PLXNB3: variants seen among roughly 807,000 people sequenced by gnomAD.
PLXNB3 encodes the protein plexin-B3.
Under a neutral mutation model 125.7 loss-of-function variants are expected in PLXNB3, and 80 were observed. The ratio of observed to expected loss-of-function variants is 0.64; its 90% CI spans 0.53 to 0.77. The LOEUF is 0.77. Ranked by LOEUF, PLXNB3 falls within the 30% of genes least tolerant of loss-of-function variation. PLXNB3 has a pLI of 0.00. For synonymous variants in PLXNB3, 954 were observed against 783.3 expected (o/e 1.22, Z -3.64); for missense variants, 1,836 against 1,729.3 (o/e 1.06, Z -1.09).
chrX:153,771,715 C>T, intron 14 of PLXNB3, 60 bp downstream of exon 14: 1 of 1,131,485 alleles, frequency 8.8e-7, no homozygotes, highest in Non-Finnish European at 1.2e-6. Flanking sequence ...CCGCACTGTC[C>T]TGTCCTCCGT....
rs1185620017 is a variant in PLXNB3, at chrX:153,770,610, G to A, written c.1978G>A (p.Glu660Lys). ...CTGCGTGTACGGAGAGCACTGCCCA[G>A]AGGGCGAGAGGACCATCTACAGCGC... Reference protein sequence around the residue: ...SHCVYGEHCPEGERTIYSAQE... With the variant: ...SHCVYGEHCPKGERTIYSAQE... The change falls in exon 10 of 36, where the codon GAG becomes AAG. Residue 660 changes from glutamate to lysine, a missense_variant. Coordinates refer to ENST00000361971, the MANE Select transcript of PLXNB3 (RefSeq NM_005393.3). 8.3e-7 allele frequency: 1 copy of A among 1,211,048 alleles called. No homozygotes were observed. The highest frequency in any genetic ancestry group is 1.1e-6 in the Non-Finnish European group (1 of 895,218).
At position 153,779,075 on chromosome X, in the gene PLXNB3, A is replaced by C. The variant is rs1557065628; in HGVS notation, c.*36A>C. 9.9e-7 allele frequency: 1 copy of C among 1,007,029 alleles called. No individual in the cohort carries two copies. The highest frequency in any genetic ancestry group is 1.9e-5 in the African/African-American group (1 of 53,565). The allele number at this position is 1,007,029 out of a possible 1,213,427, so 83.0% of individuals were successfully genotyped here. Reference sequence around the variant, plus strand: ...AGACAGCAGCAAGCCGGATCCACCAACACCGCAGCGCCTTATGACCCCGGA... The same window carrying C: ...AGACAGCAGCAAGCCGGATCCACCACCACCGCAGCGCCTTATGACCCCGGA... On this transcript the variant is annotated 3_prime_UTR_variant, in exon 36 of 36. Transcript: ENST00000361971.
At chrX:153,767,952 G>A (rs1237014680) in intron 3 of PLXNB3, 39 bp downstream of exon 3, 2 of 1,073,672 alleles carry the variant, frequency 1.9e-6, no homozygotes, top group Admixed American at 7.6e-5. Context: ...CTCTGTGGAT[G>A]GCTGGCATCT....
chrX:153,765,504 C>G lies in PLXNB3; in HGVS notation c.-32C>G. The stretch of plus-strand genomic sequence containing the variant: ...CCCCCCGCAGCCATCTCATGCCCAT[C>G]GCCACTGCCCTGGGGCAGCTGAACT... On this transcript the variant is annotated 5_prime_UTR_variant, in exon 2 of 36. It adds an upstream start codon to the 5' untranslated region. Coordinates refer to ENST00000361971, the MANE Select transcript of PLXNB3 (RefSeq NM_005393.3). 1 of 1,179,583 alleles carries G rather than the reference C, an allele frequency of 8.5e-7. No homozygotes were observed. The highest frequency in any genetic ancestry group is 1.1e-6 in the Non-Finnish European group (1 of 878,454).
Position 153,776,991 on chromosome X carries a change from C to A in PLXNB3, c.4927+11C>A. On this transcript the variant is annotated intron_variant, in intron 29 of 35. Transcript: ENST00000361971. ...GCCCCTTGGGAGAGAGTGAGTCCCT[C>A]GGCCCTGACCTGGGGCCACTGGAGT... 1 of 1,126,496 alleles carries A rather than the reference C, an allele frequency of 8.9e-7. No homozygotes were observed. The highest frequency in any genetic ancestry group is 1.2e-6 in the Non-Finnish European group (1 of 829,468). 92.8% of individuals were successfully genotyped at this position (1,126,496 alleles called of 1,213,427 possible).
At position 153,774,776 on chromosome X, in the gene PLXNB3, G is replaced by A. The variant is rs1319715193; in HGVS notation, c.3901G>A (p.Val1301Met). ...LVQLESLETG[V>M]GDQCRKEFTD... ...GCAGCTGGAGAGCCTGGAGACCGGCGTGGGAGACCAGTGCCGCAAGGAGTT... is the reference window on the plus strand; with the variant it reads ...GCAGCTGGAGAGCCTGGAGACCGGCATGGGAGACCAGTGCCGCAAGGAGTT... Residue 1301 changes from valine to methionine, a missense_variant, in exon 23 of 36, where the codon GTG becomes ATG. Coordinates refer to ENST00000361971, the MANE Select transcript of PLXNB3 (RefSeq NM_005393.3). 3 of 1,205,045 alleles carry A rather than the reference G, an allele frequency of 2.5e-6. No individual in the cohort carries two copies. The highest frequency in any genetic ancestry group is 3.0e-5 in the East Asian group (1 of 33,742).
chrX:153,769,363 C>G (rs1203652597), intron 6 of PLXNB3, 101 bp downstream of exon 6: 13 of 646,180 alleles, frequency 2.0e-5, no homozygotes, highest in Non-Finnish European at 3.1e-5. Context: ...CCAACCCTGC[C>G]TGTTGGAGAG....
intron 7 of PLXNB3, 76 bp from the exon 8 acceptor site, chrX:153,770,016 C>T (rs2091908809): frequency 5.1e-6 from 6 of 1,186,865 alleles, no homozygotes; most frequent in Non-Finnish European, 6.8e-6. Context: ...TGCCTCCCGT[C>T]CTCCTTCCTC....
At chrX:153,776,267 G>A (rs1282746183) in intron 27 of PLXNB3, 53 bp downstream of exon 27, 7 of 741,204 alleles carry the variant, frequency 9.4e-6, no homozygotes, top group East Asian at 6.3e-5. Context: ...CTACCCCTCC[G>A]GCACCTGGAG....
At position 153,774,301 on chromosome X, in the gene PLXNB3, A is replaced by G. The variant is rs2091963375; in HGVS notation, c.3635A>G (p.His1212Arg). Residue 1212 changes from histidine (H) to arginine (R), a missense_variant, in exon 21 of 36, where the codon CAC (histidine) becomes CGC (arginine). Transcript: ENST00000361971. ...CACCTGTACTGCGAGCCGCCTGCGC[A>G]CGCCCCGCAGCCTGCCAATGGCTCC... ...RTHLYCEPPA[H>R]APQPANGSGL... is the part of the protein sequence containing the mutation. 1.7e-6 allele frequency: 2 copies of G among 1,162,102 alleles called. No individual in the cohort carries two copies. Among genetic ancestry groups the G allele is most frequent in the Non-Finnish European group, 2.3e-6 (2 of 873,929 alleles).
chrX:153,771,436 G>A (rs2091928666), intron 13 of PLXNB3, 33 bp downstream of exon 13: 2 of 1,208,471 alleles, frequency 1.7e-6, no homozygotes, highest in Non-Finnish European at 2.2e-6. Flanking sequence ...AGGCGGGGCA[G>A]GGTGGGTGGC....
Position 153,771,973 on chromosome X carries a change from G to A in PLXNB3, c.2627G>A (p.Arg876Gln), listed in dbSNP as rs141796383. ...CAGTACGCCGTGAGCGTGGCCAGCC[G>A]GCCCTGCAACCCTGAGCCCTCTCTC... ...DVQYAVSVAS[R>Q]PCNPEPSLYR... is the part of the protein sequence containing the mutation. The change falls in exon 15 of 36, where the codon CGG (arginine) becomes CAG (glutamine). Residue 876 changes from arginine to glutamine, a missense_variant. Coordinates refer to ENST00000361971, the MANE Select transcript of PLXNB3 (RefSeq NM_005393.3). The A allele has an allele frequency of 2.3e-5, 28 of 1,206,347 alleles. No homozygotes were observed. The highest frequency in any genetic ancestry group is 2.3e-4 in the Middle Eastern group (1 of 4,357).
Position 153,771,645 on chromosome X carries a change from G to A in PLXNB3, c.2507G>A (p.Ser836Asn), listed in dbSNP as rs782525744. 5.5e-5 allele frequency: 65 copies of A among 1,186,206 alleles called. No homozygotes were observed. Among genetic ancestry groups the A allele is most frequent in the Non-Finnish European group, 4.2e-5 (37 of 884,551 alleles). The part of the protein sequence containing the change: ...GAVELLCPAP[S>N]IDAVEPLTGP... ...GTGGAGCTGCTGTGTCCTGCGCCCA[G>A]CATTGATGCAGTGAGTCTCCTGCCG... is the stretch of plus-strand genomic sequence containing the variant. The change falls in exon 14 of 36, where the codon AGC (serine) becomes AAC (asparagine). Residue 836 changes from serine to asparagine, a missense_variant. Physicochemically the swap from Ser to Asn is conservative, Grantham distance 46. Transcript: ENST00000361971.
At position 153,777,228 on chromosome X, in the gene PLXNB3, G is replaced by A. The variant is rs1284313486; in HGVS notation, c.4948G>A (p.Gly1650Ser). The change falls in exon 30 of 36, where the codon GGC (glycine) becomes AGC (serine). Residue 1650 changes from glycine (G) to serine (S), a missense_variant. Transcript: ENST00000361971. ...LGENIPTLED[G>S]EEGGVCLWHL... ...CTCAGACATACCCACGCTGGAGGAT[G>A]GCGAGGAGGGGGGGGTGTGCCTCTG... The A allele has an allele frequency of 4.3e-6, 5 of 1,161,168 alleles. No individual in the cohort carries two copies. The African/African-American group carries it at 8.9e-5, about 21-fold the overall frequency.
Position 153,768,303 on chromosome X carries a change from G to A in PLXNB3, c.1141G>A (p.Gly381Ser), listed in dbSNP as rs782316937. ...CGAGCACACCCCCAGCCCCATTGCT[G>A]GCCGCCAGCCCCTGGAGGTCCAGCC... ...GDEHTPSPIAGRQPLEVQPLL... is the reference protein window; with the variant it reads ...GDEHTPSPIASRQPLEVQPLL... Residue 381 changes from glycine to serine, a missense_variant, in exon 4 of 36, where the codon GGC becomes AGC. Transcript: ENST00000361971. The A allele has an allele frequency of 4.1e-6, 5 of 1,208,064 alleles. No individual in the cohort carries two copies. The highest frequency in any genetic ancestry group is 3.5e-5 in the African/African-American group (2 of 57,940).
chrX:153,774,736 C>G lies in PLXNB3; in HGVS notation c.3861C>G (p.Tyr1287Ter). The change falls in exon 23 of 36, where the codon TAC (tyrosine) becomes TAG (stop). Residue 1287 changes from tyrosine (Y) to a stop codon, truncating the protein, a stop_gained. Transcript: ENST00000361971. LOFTEE classifies it high-confidence loss of function. ...RHKSKQALRD[Y>*]QKVLVQLESL... The stretch of plus-strand genomic sequence containing the variant: ...AGAGCAAGCAGGCCCTGCGGGACTA[C>G]CAGAAGGTGCTAGTGCAGCTGGAGA... 8.4e-7 allele frequency: 1 copy of G among 1,185,733 alleles called. No individual in the cohort carries two copies. Among genetic ancestry groups the G allele is most frequent in the Non-Finnish European group, 1.1e-6 (1 of 881,598 alleles).
At chrX:153,768,516 G>A (rs782331333) in intron 4 of PLXNB3, 88 bp downstream of exon 4, 21 of 874,644 alleles carry the variant, frequency 2.4e-5, no homozygotes, top group Non-Finnish European at 2.9e-5. Context: ...CTCTTAGCCC[G>A]CATCCCACGG....
Position 153,772,004 on chromosome X carries a change from C to A in PLXNB3, c.2658C>A (p.Arg886=). 4 of 1,193,060 alleles carry A rather than the reference C, an allele frequency of 3.4e-6. No individual in the cohort carries two copies. The highest frequency in any genetic ancestry group is 3.4e-6 in the Non-Finnish European group (3 of 884,950). Residue 886 remains arginine (R), a synonymous_variant, in exon 15 of 36, where the codon CGC becomes CGA. Coordinates refer to ENST00000361971, the MANE Select transcript of PLXNB3 (RefSeq NM_005393.3). ...RPCNPEPSLY[R]TSARIVCVTS... is the part of the protein sequence containing the mutation. ...GCAACCCTGAGCCCTCTCTCTACCGCACGTCGGCCCGGTGAGGCACTTGGA... is the reference window on the plus strand; with the variant it reads ...GCAACCCTGAGCCCTCTCTCTACCGAACGTCGGCCCGGTGAGGCACTTGGA...
chrX:153,772,192 G>A lies in PLXNB3; in HGVS notation c.2680G>A (p.Val894Met), dbSNP rs782319488. 8.3e-7 allele frequency: 1 copy of A among 1,204,896 alleles called. No homozygotes were observed. Among genetic ancestry groups the A allele is most frequent in the Non-Finnish European group, 1.1e-6 (1 of 892,432 alleles). Reference protein sequence around the residue: ...LYRTSARIVCVTSPAPNGTTG... With the variant: ...LYRTSARIVCMTSPAPNGTTG... ...GCCTCGGCTTTCCAGGATTGTGTGT[G>A]TGACATCTCCTGCCCCCAATGGCAC... The change falls in exon 16 of 36, where the codon GTG becomes ATG. Residue 894 changes from valine to methionine, a missense_variant. Physicochemically the swap from Val to Met is conservative, Grantham distance 21. Coordinates refer to ENST00000361971, the MANE Select transcript of PLXNB3 (RefSeq NM_005393.3).
Sources: allele counts gnomAD v4.1 joint callset, GRCh38; gene constraint gnomAD v4.1.1; transcripts MANE v1.5; gene names NCBI Gene and HGNC (gene_info 2026-07-23, HGNC 2026-07-21).